Variants in GALNT14 observed in about 807,000 individuals in gnomAD.
The protein encoded by GALNT14 is UDP-GalNAc:polypeptide N-acetylgalactosaminyltransferase 14.
In GALNT14, 60 loss-of-function variants were observed where a neutral mutation model predicts 77.5. The observed-to-expected ratio is 0.77, with a 90% CI of 0.63 to 0.96. The LOEUF is 0.96. Ranked by LOEUF, GALNT14 falls within the 40% of genes least tolerant of loss-of-function variation. The probability of loss-of-function intolerance (pLI) is 0.00; values close to 1 mark genes in which losing one functional copy is unlikely to be tolerated. For missense variants in GALNT14, 710 were observed against 731.0 expected (o/e 0.97, Z 0.33); for synonymous variants, 280 against 281.7 (o/e 0.99, Z 0.06).
At chr2:30,931,015 G>A (rs1196874504) in intron 10 of GALNT14, among the ~76,000 whole-genome samples, 2 of 152,242 alleles carry the variant, frequency 1.3e-5, no homozygotes, top group Admixed American at 6.5e-5. Context: ...CTCCTGCAGA[G>A]CCACCACTTC....
At chr2:30,892,342 T>G in the GALNT14 span, among the ~76,000 whole-genome samples, 1 of 151,916 alleles carries the variant, frequency 6.6e-6, no homozygotes, top group East Asian at 1.9e-4. Context: ...GTTTCCAAAT[T>G]GAAATTTGGA....
At chr2:30,981,707 C>T (rs1250527000) in intron 2 of GALNT14, among the ~76,000 whole-genome samples, 4 of 152,140 alleles carry the variant, frequency 2.6e-5, no homozygotes, top group African/African-American at 9.7e-5. Flanking sequence ...CTGGAAATAG[C>T]GTCCAACTTA....
At chr2:30,923,343 C>T (rs1052963160) in intron 13 of GALNT14, among the ~76,000 whole-genome samples, 1 of 152,108 alleles carries the variant, frequency 6.6e-6, no homozygotes. Context: ...GGATTACAGG[C>T]GTGAGCCACC....
At chr2:30,966,947 G>A (rs568494571) in intron 2 of GALNT14, among the ~76,000 whole-genome samples, 3 of 152,210 alleles carry the variant, frequency 2.0e-5, no homozygotes, top group Non-Finnish European at 4.4e-5. Flanking sequence ...CGCTGCAAGT[G>A]AAAATTGTAG....
chr2:31,089,581 C>T (rs920198568), intron 1 of GALNT14, among the ~76,000 whole-genome samples: 13 of 152,046 alleles, frequency 8.6e-5, no homozygotes, highest in Non-Finnish European at 1.2e-4. Flanking sequence ...AAGCTTGGTC[C>T]GTTTTCTTCA....
At chr2:30,980,678 T>G (rs577112281) in intron 2 of GALNT14, among the ~76,000 whole-genome samples, 4 of 152,232 alleles carry the variant, frequency 2.6e-5, no homozygotes, top group Non-Finnish European at 4.4e-5. Flanking sequence ...CCAGTTACGT[T>G]GCCTGGGTCT....
chr2:31,076,630 T>TATATATATA (rs1553373510), intron 1 of GALNT14, among the ~76,000 whole-genome samples: 1,308 of 87,112 alleles, frequency 0.015, 6 homozygotes, highest in South Asian at 0.036. Context: ...TATATATATA[T>TATATATATA]TTTTTTTTTT....
At position 30,944,908 on chromosome 2, in the gene GALNT14, C is replaced by T; in HGVS notation, c.777G>A (p.Gln259=). ...GCCGAGCCTTCTGCTCTGGGGAGAG[C>T]TGCTCCCACTGGAAGTGGAGGCTCC... is the stretch of plus-strand genomic sequence containing the variant. ...FDWSLHFQWE[Q]LSPEQKARRL... The change falls in exon 8 of 15, where the codon CAG becomes CAA. Residue 259 remains glutamine (Q), a synonymous_variant. Transcript: ENST00000349752. 1 of 1,610,940 alleles carries T rather than the reference C, an allele frequency of 6.2e-7. No homozygotes were observed. The highest frequency in any genetic ancestry group is 1.1e-5 in the South Asian group (1 of 90,682).
chr2:31,060,703 A>G (rs1674537778), intron 1 of GALNT14, among the ~76,000 whole-genome samples: 2 of 152,230 alleles, frequency 1.3e-5, no homozygotes, highest in Non-Finnish European at 2.9e-5. Context: ...TAAATTAAAC[A>G]GCTCTATCAG....
intron 1 of GALNT14, among the ~76,000 whole-genome samples, chr2:31,137,028 T>C (rs1679255353): frequency 1.3e-5 from 2 of 152,204 alleles, no homozygotes; most frequent in African/African-American, 2.4e-5. Context: ...AAAGACTGCC[T>C]GGCTGGCCAG....
the GALNT14 span, among the ~76,000 whole-genome samples, chr2:30,899,984 G>C: frequency 6.6e-6 from 1 of 152,214 alleles, no homozygotes; most frequent in Non-Finnish European, 1.5e-5. Context: ...GCTGTCCTGG[G>C]TGCTAAGAGA....
intron 1 of GALNT14, among the ~76,000 whole-genome samples, chr2:31,086,710 T>C (rs1238705236): frequency 1.3e-5 from 2 of 152,286 alleles, no homozygotes; most frequent in African/African-American, 4.8e-5. Context: ...AGAACACATA[T>C]GAGTGAGATT....
intron 1 of GALNT14, among the ~76,000 whole-genome samples, chr2:31,117,358 G>T (rs1350638891): frequency 1.3e-5 from 2 of 152,132 alleles, no homozygotes; most frequent in African/African-American, 4.8e-5. Flanking sequence ...ACACAGCAAA[G>T]GCTGGCTGCA....
chr2:31,127,273 G>A (rs1395336679), intron 1 of GALNT14, among the ~76,000 whole-genome samples: 1 of 152,150 alleles, frequency 6.6e-6, no homozygotes, highest in East Asian at 1.9e-4. Context: ...TTATATAAAT[G>A]CAATCACACA....
In GALNT14 at chr2:30,955,692, T is replaced by C; in HGVS notation, c.580A>G (p.Thr194Ala). 1 of 1,614,138 alleles carries C rather than the reference T, an allele frequency of 6.2e-7. No individual in the cohort carries two copies. Among genetic ancestry groups the C allele is most frequent in the Non-Finnish European group, 8.5e-7 (1 of 1,180,026 alleles). The change falls in exon 6 of 15, where the codon ACT (threonine) becomes GCT (alanine). Residue 194 changes from threonine to alanine, a missense_variant. Transcript: ENST00000349752. ...CAGTGGCTGTCGAGGAAAGTCAGAG[T>C]GGTGCCCTGGGCGATGTCAGCGCCC... ...IRGADIAQGT[T>A]LTFLDSHCEV...
At chr2:31,046,079 C>T (rs1673434969) in intron 1 of GALNT14, among the ~76,000 whole-genome samples, 1 of 152,184 alleles carries the variant, frequency 6.6e-6, no homozygotes, top group Non-Finnish European at 1.5e-5. Flanking sequence ...TTATCACACT[C>T]AGTCCTCACA....
chr2:30,969,377 A>G (rs58883085), intron 2 of GALNT14, among the ~76,000 whole-genome samples: 3,449 of 152,270 alleles, frequency 0.023, 144 homozygotes, highest in East Asian at 0.21. Flanking sequence ...CAGGGGGACC[A>G]CACACCCCAG....
At chr2:30,929,569 G>T in intron 10 of GALNT14, 82 bp from the exon 11 acceptor site, 1 of 1,019,812 alleles carries the variant, frequency 9.8e-7, no homozygotes, top group Non-Finnish European at 1.5e-6. Flanking sequence ...ATACACATGT[G>T]TGGGCTGAGT....
At chr2:31,126,044 A>G (rs1215116409) in intron 1 of GALNT14, among the ~76,000 whole-genome samples, 2 of 152,254 alleles carry the variant, frequency 1.3e-5, no homozygotes, top group Non-Finnish European at 2.9e-5. Context: ...ATTCCCAGTC[A>G]TCTGTGGCAG....
Sources: allele counts gnomAD v4.1 joint callset (sites outside exome capture counted in the v4.1 genomes callset), GRCh38; gene constraint gnomAD v4.1.1; transcripts MANE v1.5; gene names NCBI Gene and HGNC (gene_info 2026-07-23, HGNC 2026-07-21).